The following KAZN variants were observed in gnomAD, a reference collection of about 807,000 sequenced individuals.
KAZN encodes the protein kazrin, periplakin interacting protein, also known as kazrin.
KAZN carries 40 observed loss-of-function variants against 87.4 expected under a neutral mutation model. That is an observed-to-expected ratio of 0.46 (90% CI 0.36 to 0.60). The LOEUF (loss-of-function observed/expected upper bound fraction) is 0.60, where lower values mean the gene tolerates loss of function less well. Among genes scored for constraint, KAZN ranks in the 20% least tolerant of loss-of-function variants. The pLI is 0.00. For missense variants in KAZN, 898 were observed against 1,073.9 expected, an observed-to-expected ratio of 0.84 and a Z score of 2.29; for synonymous variants, 466 against 458.3, an observed-to-expected ratio of 1.02 and a Z score of -0.22.
chr1:14,454,606 T>C (rs1667462637), intron 2 of KAZN, among the ~76,000 whole-genome samples: 1 of 152,198 alleles, frequency 6.6e-6, no homozygotes, highest in Non-Finnish European at 1.5e-5. Flanking sequence ...TTACCATAGT[T>C]AGTGAGAGGC....
intron 1 of KAZN, among the ~76,000 whole-genome samples, chr1:14,808,601 G>A (rs903447896): frequency 6.6e-6 from 1 of 151,962 alleles, no homozygotes; most frequent in Non-Finnish European, 1.5e-5. Context: ...CCCGGCCAAG[G>A]TTTCTAAATA....
At chr1:14,635,959 C>T (rs1246769322) in intron 1 of KAZN, among the ~76,000 whole-genome samples, 1 of 152,220 alleles carries the variant, frequency 6.6e-6, no homozygotes, top group Admixed American at 6.5e-5. Context: ...TCTGTTTACA[C>T]CCAGGTCTGT....
intron 1 of KAZN, among the ~76,000 whole-genome samples, chr1:14,065,672 T>C (rs1264551959): frequency 6.6e-6 from 1 of 151,984 alleles, no homozygotes; most frequent in Non-Finnish European, 1.5e-5. Context: ...AGGCATCTAA[T>C]CCACACGCCT....
intron 1 of KAZN, among the ~76,000 whole-genome samples, chr1:14,706,501 A>G (rs1186015722): frequency 6.6e-6 from 1 of 152,176 alleles, no homozygotes; most frequent in Admixed American, 6.5e-5. Flanking sequence ...CACAAAAAAA[A>G]AATAAAGATT....
chr1:14,055,718 A>T (rs1298361835), intron 1 of KAZN, among the ~76,000 whole-genome samples: 1 of 152,018 alleles, frequency 6.6e-6, no homozygotes, highest in East Asian at 1.9e-4. Flanking sequence ...TGCCAAGAAC[A>T]GATGAGTCAG....
chr1:14,818,821 G>A (rs566111988), intron 1 of KAZN, among the ~76,000 whole-genome samples: 5 of 152,270 alleles, frequency 3.3e-5, no homozygotes, highest in South Asian at 4.1e-4. Flanking sequence ...TTGGGAGGCC[G>A]AGGCAGGTGG....
At chr1:14,375,849 C>A (rs1236918036) in intron 2 of KAZN, among the ~76,000 whole-genome samples, 1 of 151,796 alleles carries the variant, frequency 6.6e-6, no homozygotes, top group South Asian at 2.1e-4. Context: ...GATCACGCCA[C>A]TGCACTCCGG....
chr1:14,518,770 G>A (rs1671427948), intron 2 of KAZN, among the ~76,000 whole-genome samples: 1 of 152,212 alleles, frequency 6.6e-6, no homozygotes, highest in South Asian at 2.1e-4. Context: ...GAAAATACAA[G>A]GCTATTAGGA....
chr1:14,769,215 G>A lies in KAZN; in HGVS notation c.226+169992G>A, dbSNP rs1425901114. Among the ~76,000 whole-genome samples the A allele has an allele frequency of 1.3e-5, 2 of 152,110 alleles. No homozygotes were observed. The highest frequency in any genetic ancestry group is 2.9e-5 in the Non-Finnish European group (2 of 68,020). ...AGTCCTTCACTCTGATAAGCTTGGC[G>A]TGCTAGTTTCCATGGACTTTTGCTT... is the stretch of plus-strand genomic sequence containing the variant. On this transcript the variant is annotated intron_variant, in intron 1 of 14. Transcript: ENST00000376030. This position sits in a 1 kb window ranked among gnomAD's most constrained non-coding sequence, Gnocchi z 4.1.
chr1:13,937,088 C>T (rs1213897137), intron 1 of KAZN, among the ~76,000 whole-genome samples: 1 of 150,758 alleles, frequency 6.6e-6, no homozygotes, highest in Non-Finnish European at 1.5e-5. Flanking sequence ...ACTCTGTTGC[C>T]CAGGCTGGAG....
At chr1:14,174,416 A>C (rs1646024314) in intron 1 of KAZN, among the ~76,000 whole-genome samples, 1 of 152,188 alleles carries the variant, frequency 6.6e-6, no homozygotes, top group African/African-American at 2.4e-5. Context: ...ATTGAAGAGC[A>C]GAAGTTTGGG....
At chr1:14,098,030 G>A (rs1644166960) in intron 1 of KAZN, among the ~76,000 whole-genome samples, 1 of 151,708 alleles carries the variant, frequency 6.6e-6, no homozygotes, top group South Asian at 2.1e-4. Flanking sequence ...TGGAAGGTAG[G>A]ATTTTTTTTT....
chr1:14,492,866 C>T (rs1003974927), intron 2 of KAZN, among the ~76,000 whole-genome samples: 12 of 151,352 alleles, frequency 7.9e-5, no homozygotes, highest in African/African-American at 1.5e-4. Flanking sequence ...TGTGTGAGCA[C>T]GCACAGCACA....
rs115176712 is a variant in KAZN, at chr1:14,681,789, C to G, written c.226+82566C>G. Among the ~76,000 whole-genome samples, 482 of 144,812 alleles carry G rather than the reference C, an allele frequency of 3.3e-3. 4 individuals are homozygous for G. The highest frequency in any genetic ancestry group is 0.012 in the African/African-American group (464 of 39,216). On this transcript the variant is annotated intron_variant, in intron 1 of 14. Transcript: ENST00000376030. Reference sequence around the variant, plus strand: ...CCTCCCGCCTCCCGGGAGGCGTTCTCCTGCCATTCTCCTGCCTCAGCATCC... The same window carrying G: ...CCTCCCGCCTCCCGGGAGGCGTTCTGCTGCCATTCTCCTGCCTCAGCATCC...
At chr1:14,095,103 G>A (rs1644098449) in intron 1 of KAZN, among the ~76,000 whole-genome samples, 1 of 152,160 alleles carries the variant, frequency 6.6e-6, no homozygotes, top group African/African-American at 2.4e-5. Flanking sequence ...TGAATGTTTA[G>A]CATCCCTGCC....
rs185383763 is a variant in KAZN, at chr1:14,337,427, T to C, written c.249+156835T>C. On this transcript the variant is annotated intron_variant, in intron 2 of 16. Transcript: ENST00000636203. ...TAGTCTTTAGGGAGGAAAATATGTTTAGAACCCTGAATTTACAAATACTAT... is the reference window on the plus strand; with the variant it reads ...TAGTCTTTAGGGAGGAAAATATGTTCAGAACCCTGAATTTACAAATACTAT... Among the ~76,000 whole-genome samples the C allele has an allele frequency of 3.3e-5, 5 of 152,374 alleles. No homozygotes were observed. In the East Asian group the frequency reaches 9.6e-4, roughly 29 times the overall value.
intron 4 of KAZN, among the ~76,000 whole-genome samples, chr1:15,051,578 C>G (rs1306561913): frequency 6.6e-6 from 1 of 152,182 alleles, no homozygotes; most frequent in South Asian, 2.1e-4. Flanking sequence ...TACCCTGGAC[C>G]AAGCACTTTC....
chr1:14,525,724 C>G (rs1176936429), intron 2 of KAZN, among the ~76,000 whole-genome samples: 8 of 152,288 alleles, frequency 5.3e-5, no homozygotes, highest in African/African-American at 1.9e-4. Flanking sequence ...CCAGATCAAT[C>G]CACAAAAGTC....
chr1:13,963,007 A>G (rs1641812604), intron 1 of KAZN, among the ~76,000 whole-genome samples: 1 of 152,128 alleles, frequency 6.6e-6, no homozygotes. Context: ...AGCTAAAGAG[A>G]CAAATTGGGG....
Sources: allele counts gnomAD v4.1 joint callset (sites outside exome capture counted in the v4.1 genomes callset), GRCh38; gene constraint gnomAD v4.1.1; non-coding constraint Gnocchi (gnomAD v3.1); transcripts MANE v1.5; gene names NCBI Gene and HGNC (gene_info 2026-07-23, HGNC 2026-07-21).